NRXN3: variants seen among roughly 807,000 people sequenced by gnomAD.
The protein encoded by NRXN3 is neurexin III.
Under a neutral mutation model 137.6 loss-of-function variants are expected in NRXN3, and 32 were observed. The observed-to-expected ratio is 0.23, with a 90% CI of 0.18 to 0.31. NRXN3 has a LOEUF of 0.31. Among genes scored for constraint, NRXN3 ranks in the 10% least tolerant of loss-of-function variants. NRXN3 has a pLI of 1.00. For synonymous variants in NRXN3, 798 were observed against 784.5 expected (o/e 1.02, Z -0.29); for missense variants, 1,574 against 2,062.5 (o/e 0.76, Z 4.59).
intron 15 of NRXN3, among the ~76,000 whole-genome samples, chr14:78,992,628 T>G (rs1286970897): frequency 6.6e-6 from 1 of 152,186 alleles, no homozygotes; most frequent in Non-Finnish European, 1.5e-5. Flanking sequence ...AAAAATGTTG[T>G]GTAGAATAGA....
intron 15 of NRXN3, among the ~76,000 whole-genome samples, chr14:79,123,697 C>A (rs1323344112): frequency 7.9e-5 from 12 of 152,090 alleles, no homozygotes. Context: ...TGAAAATGGA[C>A]AGAAGGGAGG....
At chr14:79,853,564 A>C (rs747131605) in intron 20 of NRXN3, 1 of 1,351,114 alleles carries the variant, frequency 7.4e-7, no homozygotes, top group South Asian at 1.1e-5. Flanking sequence ...CAGCTAGATC[A>C]CTCCGTGCCG....
chr14:78,778,678 T>TTTTCTC lies in NRXN3; in HGVS notation c.2045-24937_2045-24936insCTTTCT, dbSNP rs1555489572. ...TCTTTTCCTTTTCTTTTCTCTTTTC[T>TTTTCTC]TTTCTTTCTTTCTTTCTTTCTTTCT... is the stretch of plus-strand genomic sequence containing the variant. On this transcript the variant is annotated intron_variant, in intron 8 of 20. Coordinates refer to ENST00000335750, the MANE Select transcript of NRXN3 (RefSeq NM_001330195.2). Among the ~76,000 whole-genome samples the TTTTCTC allele has an allele frequency of 4.4e-5, 5 of 114,524 alleles. No homozygotes were observed. The East Asian group carries it at 1.3e-3, about 31-fold the overall frequency. The allele number at this position is 114,524 out of a possible 152,430, so 75.1% of individuals were successfully genotyped here.
At chr14:78,895,500 C>A (rs1336124581) in intron 10 of NRXN3, among the ~76,000 whole-genome samples, 1 of 151,854 alleles carries the variant, frequency 6.6e-6, no homozygotes, top group African/African-American at 2.4e-5. Context: ...GATCTTCAAT[C>A]CAGACCACTA....
chr14:79,399,994 G>A (rs530768247), intron 15 of NRXN3, among the ~76,000 whole-genome samples: 1 of 152,310 alleles, frequency 6.6e-6, no homozygotes, highest in Non-Finnish European at 1.5e-5. Context: ...GCATATGTGT[G>A]TGTGAGTGCA....
chr14:78,799,020 G>A (rs913691057), intron 8 of NRXN3, among the ~76,000 whole-genome samples: 2 of 152,198 alleles, frequency 1.3e-5, no homozygotes, highest in Admixed American at 1.3e-4. Context: ...TGCCATAAAG[G>A]TCTCTGACAT....
At chr14:79,126,158 G>C (rs557206032) in intron 15 of NRXN3, among the ~76,000 whole-genome samples, 18 of 151,780 alleles carry the variant, frequency 1.2e-4, no homozygotes, top group African/African-American at 4.3e-4. Flanking sequence ...ATAGTTCAGA[G>C]CATTTATTTA....
At chr14:79,385,063 C>CT (rs534880720) in intron 15 of NRXN3, among the ~76,000 whole-genome samples, 82 of 151,320 alleles carry the variant, frequency 5.4e-4, no homozygotes, top group South Asian at 1.3e-3. Flanking sequence ...TAGATGGTGT[C>CT]TTTTTTTTTA....
intron 4 of NRXN3, among the ~76,000 whole-genome samples, chr14:78,489,947 C>A (rs560285604): frequency 6.6e-6 from 1 of 150,922 alleles, no homozygotes; most frequent in Non-Finnish European, 1.5e-5. Flanking sequence ...CAGAGTCTCA[C>A]GCTATCACCC....
At chr14:79,140,034 T>G (rs542988332) in intron 15 of NRXN3, among the ~76,000 whole-genome samples, 50 of 151,970 alleles carry the variant, frequency 3.3e-4, no homozygotes, top group Non-Finnish European at 6.3e-4. Flanking sequence ...AAAATTATTT[T>G]GTTCATTTGG....
chr14:79,215,965 G>T (rs189308529), intron 15 of NRXN3, among the ~76,000 whole-genome samples: 1 of 152,232 alleles, frequency 6.6e-6, no homozygotes, highest in Non-Finnish European at 1.5e-5. Flanking sequence ...AAATTTAGTG[G>T]ATTAAAAATG....
At chr14:79,376,825 G>A (rs775718833) in intron 15 of NRXN3, among the ~76,000 whole-genome samples, 21 of 152,112 alleles carry the variant, frequency 1.4e-4, no homozygotes, top group Non-Finnish European at 2.8e-4. Context: ...CCTTCTAAGT[G>A]CACTATTGCC....
intron 16 of NRXN3, among the ~76,000 whole-genome samples, chr14:79,601,832 A>G (rs979451002): frequency 1.3e-5 from 2 of 152,208 alleles, no homozygotes; most frequent in Non-Finnish European, 2.9e-5. Context: ...ACTGACACTA[A>G]TTCTTGGCCT....
chr14:78,978,320 A>G (rs1378332572), intron 14 of NRXN3, among the ~76,000 whole-genome samples: 1 of 152,314 alleles, frequency 6.6e-6, no homozygotes, highest in Admixed American at 6.5e-5. Flanking sequence ...ATGAGATTTT[A>G]TAATAAGATT....
At chr14:78,457,011 T>C in intron 4 of NRXN3, among the ~76,000 whole-genome samples, 1 of 144,592 alleles carries the variant, frequency 6.9e-6, no homozygotes, top group Non-Finnish European at 1.5e-5. Flanking sequence ...CTCTTCCTCC[T>C]CCTCATCTCC....
chr14:79,681,347 G>A (rs1454938521), intron 17 of NRXN3, among the ~76,000 whole-genome samples: 6 of 152,110 alleles, frequency 3.9e-5, no homozygotes, highest in Admixed American at 3.9e-4. Context: ...ATATCATTTA[G>A]GTTCGCTGCA....
At chr14:79,483,972 A>G (rs560319663) in intron 16 of NRXN3, among the ~76,000 whole-genome samples, 1 of 152,292 alleles carries the variant, frequency 6.6e-6, no homozygotes, top group South Asian at 2.1e-4. Context: ...GTGGGTGTCC[A>G]TATGGAAGTC....
intron 4 of NRXN3, among the ~76,000 whole-genome samples, chr14:78,604,819 C>T (rs1225574871): frequency 6.6e-6 from 1 of 152,150 alleles, no homozygotes; most frequent in Non-Finnish European, 1.5e-5. Flanking sequence ...TAAGAGCCCC[C>T]TTAGTAGTCA....
chr14:78,950,248 C>T (rs1340967212), intron 10 of NRXN3, among the ~76,000 whole-genome samples: 3 of 152,134 alleles, frequency 2.0e-5, no homozygotes, highest in East Asian at 3.9e-4. Flanking sequence ...GAGAGATTAT[C>T]GCAAGAAAGC....
Sources: allele counts gnomAD v4.1 joint callset (sites outside exome capture counted in the v4.1 genomes callset), GRCh38; gene constraint gnomAD v4.1.1; transcripts MANE v1.5; gene names NCBI Gene and HGNC (gene_info 2026-07-23, HGNC 2026-07-21).